Variants in BMPR1A observed in about 807,000 individuals in gnomAD.
BMPR1A encodes the protein bone morphogenetic protein receptor type-1A.
Under a neutral mutation model 66.0 loss-of-function variants are expected in BMPR1A, and 7 were observed. The observed-to-expected ratio is 0.11, with a 90% CI of 0.06 to 0.20. The LOEUF is 0.20. BMPR1A is among the 10% of genes least tolerant of loss of function. The probability of loss-of-function intolerance (pLI) is 1.00; values close to 1 mark genes in which losing one functional copy is unlikely to be tolerated. For synonymous variants in BMPR1A, 200 were observed against 229.7 expected (o/e 0.87, Z 1.17); for missense variants, 408 against 669.1 (o/e 0.61, Z 4.31).
At chr10:86,755,859 A>G (rs1227405945), upstream of BMPR1A, 1 of 152,034 alleles carries the variant, frequency 6.6e-6, no homozygotes, top group Non-Finnish European at 1.5e-5. Flanking sequence ...CGAATCGATG[A>G]GGGAAGCCGC....
chr10:86,880,511 C>G (rs547734047), intron 3 of BMPR1A, among the ~76,000 whole-genome samples: 1 of 152,162 alleles, frequency 6.6e-6, no homozygotes, highest in African/African-American at 2.4e-5. Flanking sequence ...GTTTACTCTT[C>G]TAGTCACCCA....
In BMPR1A at chr10:86,925,721, C is replaced by CTTTTTTTTTTTTTTTTTTTTTTTTTT. The variant is rs11450437; in HGVS notation, c.*2019_*2020insTTTTTTTTTTTTTTTTTTTTTTTTTT. On this transcript the variant is annotated 3_prime_UTR_variant, in exon 13 of 13. Coordinates refer to ENST00000372037, the MANE Select transcript of BMPR1A (RefSeq NM_004329.3). ...CATAATCTTTAAAATCATTTGTCAT[C>CTTTTTTTTTTTTTTTTTTTTTTTTTT]TTTTTTTTTTTTTTTTTGAGACGGA... 1 of 116,306 alleles carries CTTTTTTTTTTTTTTTTTTTTTTTTTT rather than the reference C, an allele frequency of 8.6e-6. No individual in the cohort carries two copies. Among genetic ancestry groups the CTTTTTTTTTTTTTTTTTTTTTTTTTT allele is most frequent in the African/African-American group, 4.0e-5 (1 of 25,018 alleles). The allele number at this position is 116,306 out of a possible 1,614,324, so 7.2% of individuals were successfully genotyped here. A position where few individuals can be genotyped will look rare whatever the true frequency, so the allele number is the denominator to read the frequency against.
intron 3 of BMPR1A, among the ~76,000 whole-genome samples, chr10:86,881,084 A>C (rs559624075): frequency 6.7e-6 from 1 of 149,882 alleles, no homozygotes; most frequent in South Asian, 2.1e-4. Context: ...TGGTCTCTAC[A>C]AAAAAAAAAT....
intron 1 of BMPR1A, among the ~76,000 whole-genome samples, chr10:86,837,249 G>GTGTC (rs1329880260): frequency 2.0e-5 from 3 of 148,732 alleles, no homozygotes; most frequent in African/African-American, 5.0e-5. Context: ...GTGTGTGTCT[G>GTGTC]TGTGTGTGTG....
At chr10:86,836,363 G>T (rs534941201) in intron 1 of BMPR1A, among the ~76,000 whole-genome samples, 1 of 152,304 alleles carries the variant, frequency 6.6e-6, no homozygotes, top group East Asian at 1.9e-4. Flanking sequence ...GTACTGTGGA[G>T]CATATCCTTT....
At chr10:86,775,518 T>C (rs1313544936) in intron 1 of BMPR1A, among the ~76,000 whole-genome samples, 3 of 152,216 alleles carry the variant, frequency 2.0e-5, no homozygotes, top group Non-Finnish European at 4.4e-5. Context: ...CACCCTGCTA[T>C]AGAAAGTTTC....
chr10:86,864,532 TACTC>T (rs1437830889), intron 2 of BMPR1A, among the ~76,000 whole-genome samples: 1 of 152,212 alleles, frequency 6.6e-6, no homozygotes, highest in African/African-American at 2.4e-5. Flanking sequence ...GGCCTTGACT[TACTC>T]ACTGCTGAAA....
intron 5 of BMPR1A, among the ~76,000 whole-genome samples, chr10:86,897,925 T>G (rs1217689326): frequency 6.6e-6 from 1 of 152,144 alleles, no homozygotes; most frequent in Admixed American, 6.5e-5. Context: ...TTAACCTGTA[T>G]TTTTTAGCAC....
chr10:86,880,573 A>G (rs536456683), intron 3 of BMPR1A, among the ~76,000 whole-genome samples: 1 of 152,338 alleles, frequency 6.6e-6, no homozygotes, highest in East Asian at 1.9e-4. Flanking sequence ...ATTTTGGTTT[A>G]ATGGATGAAT....
chr10:86,787,421 G>T (rs1212469348), intron 1 of BMPR1A, among the ~76,000 whole-genome samples: 2 of 152,172 alleles, frequency 1.3e-5, no homozygotes. Context: ...TAAAATAAAA[G>T]ATCTATTTGT....
downstream of BMPR1A, chr10:86,928,869 G>A (rs1843782848): frequency 6.6e-6 from 1 of 151,906 alleles, no homozygotes; most frequent in Admixed American, 6.6e-5. Flanking sequence ...GGCCCAGGCT[G>A]GTCTCGAACT....
In BMPR1A at chr10:86,875,985, GGTGACA is replaced by G. The variant is rs1273086362; in HGVS notation, c.-31_-26del. 6.5e-7 allele frequency: 1 copy of G among 1,528,918 alleles called. No homozygotes were observed. The highest frequency in any genetic ancestry group is 9.0e-7 in the Non-Finnish European group (1 of 1,106,042). The allele number at this position is 1,528,918 out of a possible 1,614,324, so 94.7% of individuals were successfully genotyped here. Reference sequence around the variant, plus strand: ...TGAAGTAGCAAGACCAATTATTAAAGGTGACAGTACACAGGAAACATTACAATTGAA... The same window carrying G: ...TGAAGTAGCAAGACCAATTATTAAAGGTACACAGGAAACATTACAATTGAA... On this transcript the variant is annotated 5_prime_UTR_variant, in exon 3 of 13. Transcript: ENST00000372037.
rs547089452 is a variant in BMPR1A, at chr10:86,798,654, C to T, written c.-267-40211C>T. 5.3e-5 allele frequency among the ~76,000 whole-genome samples: 8 copies of T among 152,280 alleles called. No individual in the cohort carries two copies. The South Asian group carries it at 1.2e-3, about 24-fold the overall frequency. On this transcript the variant is annotated intron_variant, in intron 1 of 12. Coordinates refer to ENST00000372037, the MANE Select transcript of BMPR1A (RefSeq NM_004329.3). ...CAGGCCTTGTAATATCTTAAAGGAA[C>T]CACTTCACTGTAAGGGAGCAGTTTG...
intron 1 of BMPR1A, among the ~76,000 whole-genome samples, chr10:86,777,205 G>T (rs1188693177): frequency 6.6e-6 from 1 of 152,030 alleles, no homozygotes; most frequent in Non-Finnish European, 1.5e-5. Context: ...AGAAACCCCA[G>T]TTTCTCTATT....
chr10:86,776,149 A>G (rs1479586971), intron 1 of BMPR1A, among the ~76,000 whole-genome samples: 1 of 152,194 alleles, frequency 6.6e-6, no homozygotes, highest in African/African-American at 2.4e-5. Context: ...GAAAACAATT[A>G]TTTTGAAATA....
chr10:86,844,901 C>T (rs998530324), intron 2 of BMPR1A, among the ~76,000 whole-genome samples: 14 of 152,268 alleles, frequency 9.2e-5, no homozygotes, highest in African/African-American at 2.9e-4. Context: ...CTCAGCCTCC[C>T]GAGAGGCTGG....
chr10:86,765,419 G>T (rs557561427), intron 1 of BMPR1A, among the ~76,000 whole-genome samples: 32 of 149,828 alleles, frequency 2.1e-4, no homozygotes, highest in Non-Finnish European at 3.8e-4. Context: ...GGGAGGTGGA[G>T]GTTGCAGTGA....
At chr10:86,854,762 C>A in intron 2 of BMPR1A, 1 of 241,738 alleles carries the variant, frequency 4.1e-6, no homozygotes, top group South Asian at 7.5e-5. Context: ...ACTCCCTGAT[C>A]CTCAGATTTA....
rs1589702122 is a variant in BMPR1A, at chr10:86,760,198, T to TTG, written c.-268+3280_-268+3281insGT. On this transcript the variant is annotated intron_variant, in intron 1 of 12. Transcript: ENST00000372037. ...GCCTCAGATTTACCTGTTTTTTTTT[T>TTG]TTTTTTTTTTTAATACCTTATTGTT... Among the ~76,000 whole-genome samples, 8 of 148,970 alleles carry TTG rather than the reference T, an allele frequency of 5.4e-5. No individual in the cohort carries two copies. In the East Asian group the frequency reaches 1.4e-3, roughly 26 times the overall value.
Sources: gnomAD v4.1 joint callset for allele counts (sites outside exome capture counted in the v4.1 genomes callset) on GRCh38, gnomAD v4.1.1 for gene constraint, MANE v1.5 for transcripts, NCBI Gene and HGNC (gene_info 2026-07-23, HGNC 2026-07-21) for gene names.